The following PELI2 variants were observed in gnomAD, a reference collection of about 807,000 sequenced individuals.
The protein encoded by PELI2 is E3 ubiquitin-protein ligase pellino homolog 2.
A neutral mutation model predicts 42.3 loss-of-function variants in PELI2; 23 were observed. The ratio of observed to expected loss-of-function variants is 0.54; its 90% CI spans 0.39 to 0.77. The LOEUF (loss-of-function observed/expected upper bound fraction) is 0.77. Ranked by LOEUF, PELI2 falls within the 30% of genes least tolerant of loss-of-function variation. The probability of loss-of-function intolerance (pLI) is 0.00; values close to 1 mark genes in which losing one functional copy is unlikely to be tolerated. For synonymous variants in PELI2, 245 were observed against 212.2 expected, an observed-to-expected ratio of 1.15 and a Z score of -1.34; for missense variants, 463 against 553.2, an observed-to-expected ratio of 0.84 and a Z score of 1.64.
At position 56,178,341 on chromosome 14, in the gene PELI2, T is replaced by C. The variant is rs1885456366; in HGVS notation, c.84T>C (p.Asn28=). Reference sequence around the variant, plus strand: ...CTTTCCTCTCTGTTTCTAGGTACAATGGTGCTTTACCCAATGGAGATAGAG... The same window carrying C: ...CTTTCCTCTCTGTTTCTAGGTACAACGGTGCTTTACCCAATGGAGATAGAG... ...KYGELVVLGY[N]GALPNGDRGR... The change falls in exon 2 of 6, where the codon AAT becomes AAC. Residue 28 remains asparagine, a synonymous_variant. Transcript: ENST00000267460. 1 of 1,614,086 alleles carries C rather than the reference T, an allele frequency of 6.2e-7. No individual in the cohort carries two copies. The highest frequency in any genetic ancestry group is 8.5e-7 in the Non-Finnish European group (1 of 1,179,940).
At chr14:56,143,196 C>T (rs961718204) in intron 1 of PELI2, among the ~76,000 whole-genome samples, 3 of 152,134 alleles carry the variant, frequency 2.0e-5, no homozygotes, top group Non-Finnish European at 2.9e-5. Context: ...TGTAGACTGC[C>T]TCTCAATTTG....
At chr14:56,245,591 C>CTA (rs1002034763) in intron 2 of PELI2, among the ~76,000 whole-genome samples, 1 of 152,008 alleles carries the variant, frequency 6.6e-6, no homozygotes, top group African/African-American at 2.4e-5. Flanking sequence ...TTATGTGATT[C>CTA]TATACAGGCA....
At chr14:56,150,009 T>A (rs1302719351) in intron 1 of PELI2, among the ~76,000 whole-genome samples, 1 of 152,202 alleles carries the variant, frequency 6.6e-6, no homozygotes, top group Non-Finnish European at 1.5e-5. Context: ...TTTCTAGACA[T>A]CTATGTTATA....
intron 1 of PELI2, among the ~76,000 whole-genome samples, chr14:56,176,601 C>T (rs1885396317): frequency 6.6e-6 from 1 of 152,196 alleles, no homozygotes; most frequent in Admixed American, 6.5e-5. Flanking sequence ...TGGATGGGCA[C>T]TCAGATGTTC....
At chr14:56,204,863 C>G (rs571975455) in intron 2 of PELI2, among the ~76,000 whole-genome samples, 1 of 151,684 alleles carries the variant, frequency 6.6e-6, no homozygotes, top group Non-Finnish European at 1.5e-5. Context: ...AACCCTGTCT[C>G]TACTAAAAAT....
intron 1 of PELI2, among the ~76,000 whole-genome samples, chr14:56,156,975 A>G (rs142346747): frequency 3.5e-4 from 54 of 152,292 alleles, no homozygotes; most frequent in African/African-American, 1.3e-3. Context: ...TTGATCATGT[A>G]TTTATTCCCT....
rs1890116353 is a variant in PELI2, at chr14:56,299,742, G to A, written c.*2576G>A. On this transcript the variant is annotated 3_prime_UTR_variant, in exon 6 of 6. Transcript: ENST00000267460. ...TTTATGTCTTGCCATCACTTTAAAG[G>A]ACTAGCCCCACTCCCCCATGTGTAT... 6.6e-6 allele frequency: 1 copy of A among 152,084 alleles called. No individual in the cohort carries two copies. The highest frequency in any genetic ancestry group is 6.6e-5 in the Admixed American group (1 of 15,260). The allele number at this position is 152,084 out of a possible 1,614,324, so 9.4% of individuals were successfully genotyped here.
At chr14:56,174,843 T>C (rs546390108) in intron 1 of PELI2, among the ~76,000 whole-genome samples, 101 of 152,282 alleles carry the variant, frequency 6.6e-4, no homozygotes, top group Non-Finnish European at 1.0e-3. Context: ...ACCAGGACGT[T>C]ACAGTCGGGC....
At chr14:56,182,895 G>GC (rs1228375379) in intron 2 of PELI2, among the ~76,000 whole-genome samples, 1 of 152,276 alleles carries the variant, frequency 6.6e-6, no homozygotes, top group Admixed American at 6.5e-5. Flanking sequence ...CTGTCTGTCT[G>GC]CCGAGCCTGT....
At chr14:56,238,511 T>C (rs774696906) in intron 2 of PELI2, among the ~76,000 whole-genome samples, 1 of 152,182 alleles carries the variant, frequency 6.6e-6, no homozygotes, top group African/African-American at 2.4e-5. Flanking sequence ...GGGTTCTTAA[T>C]CCATCTCTCT....
chr14:56,131,968 G>A (rs946998654), intron 1 of PELI2, among the ~76,000 whole-genome samples: 9 of 152,158 alleles, frequency 5.9e-5, no homozygotes, highest in African/African-American at 2.2e-4. Flanking sequence ...AGTGAGGAGG[G>A]CTGGGCGGAG....
At chr14:56,154,384 G>A (rs1884472888) in intron 1 of PELI2, among the ~76,000 whole-genome samples, 1 of 152,140 alleles carries the variant, frequency 6.6e-6, no homozygotes, top group Admixed American at 6.5e-5. Flanking sequence ...GGAGGGACCT[G>A]GTGGGAGATG....
intron 1 of PELI2, among the ~76,000 whole-genome samples, chr14:56,166,260 G>A (rs1171515118): frequency 6.6e-6 from 1 of 152,142 alleles, no homozygotes; most frequent in East Asian, 1.9e-4. Flanking sequence ...AAAATGCTAT[G>A]CCTTAACTTT....
At chr14:56,140,341 T>C (rs1035170280) in intron 1 of PELI2, among the ~76,000 whole-genome samples, 23 of 152,246 alleles carry the variant, frequency 1.5e-4, no homozygotes, top group African/African-American at 5.5e-4. Flanking sequence ...ATGGTCACTT[T>C]AAATGAAAGC....
rs1383730538 is a variant in PELI2, at chr14:56,214,889, G to A, written c.207+36425G>A. On this transcript the variant is annotated intron_variant, in intron 2 of 5. Transcript: ENST00000267460. ...TGACCAAGGAGATAAACAGTGCAGT[G>A]CAGCATTGCCAGCGTTGACAGAGGA... Among the ~76,000 whole-genome samples the A allele has an allele frequency of 7.2e-5, 11 of 152,210 alleles. 1 individual carries two copies. Among genetic ancestry groups the A allele is most frequent in the Admixed American group, 7.2e-4 (11 of 15,288 alleles).
At chr14:56,150,397 T>G (rs1845948670) in intron 1 of PELI2, among the ~76,000 whole-genome samples, 1 of 152,252 alleles carries the variant, frequency 6.6e-6, no homozygotes, top group African/African-American at 2.4e-5. Context: ...TGATCCCATT[T>G]TCTATTAGCC....
intron 2 of PELI2, among the ~76,000 whole-genome samples, chr14:56,223,125 G>GT (rs1330742022): frequency 6.6e-6 from 1 of 152,154 alleles, no homozygotes; most frequent in African/African-American, 2.4e-5. Flanking sequence ...TCTACAGCCT[G>GT]TGGCCAAAAC....
intron 1 of PELI2, among the ~76,000 whole-genome samples, chr14:56,153,933 G>GC (rs1317461356): frequency 3.3e-5 from 5 of 152,064 alleles, no homozygotes; most frequent in Non-Finnish European, 5.9e-5. Flanking sequence ...TTTGTTTCTG[G>GC]CTATTGTTTC....
chr14:56,125,418 G>C (rs370593580), intron 1 of PELI2, among the ~76,000 whole-genome samples: 19 of 83,148 alleles, frequency 2.3e-4, no homozygotes, highest in Admixed American at 1.3e-3. Context: ...GGGTGGGCAG[G>C]GGGGGGGTGA....
Sources: allele counts gnomAD v4.1 joint callset (sites outside exome capture counted in the v4.1 genomes callset), GRCh38; gene constraint gnomAD v4.1.1; transcripts MANE v1.5; gene names NCBI Gene and HGNC (gene_info 2026-07-23, HGNC 2026-07-21).